TMEM50B: variants seen among roughly 807,000 people sequenced by gnomAD.
TMEM50B encodes transmembrane protein 50B.
A neutral mutation model predicts 23.4 loss-of-function variants in TMEM50B; 14 were observed. The ratio of observed to expected loss-of-function variants is 0.60; its 90% CI spans 0.39 to 0.93. The LOEUF (loss-of-function observed/expected upper bound fraction) is 0.93. Ranked by LOEUF, TMEM50B falls within the 40% of genes least tolerant of loss-of-function variation. TMEM50B has a pLI of 0.00. For synonymous variants in TMEM50B, 64 were observed against 62.3 expected (o/e 1.03, Z -0.13); for missense variants, 159 against 193.0 (o/e 0.82, Z 1.04).
At chr21:33,444,429 A>G (rs1471368367), downstream of TMEM50B, among the ~76,000 whole-genome samples, 1 of 151,964 alleles carries the variant, frequency 6.6e-6, no homozygotes, top group Non-Finnish European at 1.5e-5. Context: ...TCTGTAGTCC[A>G]AGCTACTCAG....
chr21:33,464,044 T>C (rs2084241415), intron 4 of TMEM50B, among the ~76,000 whole-genome samples: 1 of 152,194 alleles, frequency 6.6e-6, no homozygotes, highest in South Asian at 2.1e-4. Flanking sequence ...CAAATGGTTC[T>C]AGATGGGAAA....
At chr21:33,465,463 C>CA in intron 3 of TMEM50B, 54 bp from the exon 4 acceptor site, 1 of 1,354,954 alleles carries the variant, frequency 7.4e-7, no homozygotes, top group South Asian at 1.2e-5. Context: ...TTAAAATACT[C>CA]AAATATTTAT....
chr21:33,459,174 C>A (rs932279116), intron 5 of TMEM50B, among the ~76,000 whole-genome samples: 2 of 152,190 alleles, frequency 1.3e-5, no homozygotes, highest in Non-Finnish European at 2.9e-5. Flanking sequence ...TCTTCCGACG[C>A]TTCCAGAGAC....
rs998806159 is a variant in TMEM50B at position 33,461,601 on chromosome 21, C to A, written c.281-1096G>T. Among the ~76,000 whole-genome samples the A allele has an allele frequency of 1.1e-4, 16 of 151,996 alleles. No homozygotes were observed. In the South Asian group the frequency reaches 1.9e-3, roughly 18 times the overall value. ...GGCTAATTGCCTGAGCTCAGGAGTT[C>A]GAGACCAGCCTGGGCAACATGGTAA... On this transcript the variant is annotated intron_variant, in intron 4 of 6. Transcript: ENST00000542230.
At chr21:33,478,329 T>C (rs2084393014) in intron 1 of TMEM50B, among the ~76,000 whole-genome samples, 1 of 151,542 alleles carries the variant, frequency 6.6e-6, no homozygotes, top group Non-Finnish European at 1.5e-5. Flanking sequence ...TAGCCAGGCA[T>C]GGTGGCAGGC....
chr21:33,454,639 C>G (rs919339042), intron 6 of TMEM50B, among the ~76,000 whole-genome samples: 3 of 151,992 alleles, frequency 2.0e-5, no homozygotes, highest in African/African-American at 7.3e-5. Context: ...CTTTTTTCTT[C>G]ATAAAGGTAC....
At chr21:33,447,486 G>A (rs2084073273), downstream of TMEM50B, among the ~76,000 whole-genome samples, 1 of 152,092 alleles carries the variant, frequency 6.6e-6, no homozygotes, top group African/African-American at 2.4e-5. Flanking sequence ...AGACTCCTGA[G>A]TTGATGTTGT....
intron 4 of TMEM50B, among the ~76,000 whole-genome samples, chr21:33,462,536 G>C (rs528499347): frequency 6.6e-6 from 1 of 152,252 alleles, no homozygotes; most frequent in African/African-American, 2.4e-5. Flanking sequence ...GCCAGGCACA[G>C]TGGCTTACAC....
chr21:33,466,982 T>C (rs1468084452), intron 3 of TMEM50B, 28 bp downstream of exon 3: 4 of 1,584,638 alleles, frequency 2.5e-6, no homozygotes, highest in Non-Finnish European at 3.5e-6. Flanking sequence ...AAAAATCACC[T>C]TGAATAGAGA....
At chr21:33,439,256 T>TTGGGCAGCAGGATGG (rs2083986859) in exon 8 of TMEM50B, 1 of 152,224 alleles carries the variant, frequency 6.6e-6, no homozygotes, top group Non-Finnish European at 1.5e-5. Context: ...GCTTCTTCTG[T>TTGGGCAGCAGGATGG]TGGGCAGCAG....
intron 8 of TMEM50B, among the ~76,000 whole-genome samples, chr21:33,438,564 G>A (rs1402788633): frequency 7.2e-5 from 11 of 152,148 alleles, no homozygotes; most frequent in East Asian, 1.9e-4. Context: ...TTGGGAGGCC[G>A]AGGCAGGCAG....
At position 33,450,059 on chromosome 21, in the gene TMEM50B, T is replaced by C. The variant is rs1425658306; in HGVS notation, c.*759A>G. The C allele has an allele frequency of 1.3e-5, 2 of 152,170 alleles. No homozygotes were observed. The highest frequency in any genetic ancestry group is 4.8e-5 in the African/African-American group (2 of 41,442). The allele number at this position is 152,170 out of a possible 1,614,324, so 9.4% of individuals were successfully genotyped here. A position where few individuals can be genotyped will look rare whatever the true frequency, so the allele number is the denominator to read the frequency against. On this transcript the variant is annotated 3_prime_UTR_variant, in exon 7 of 7. Coordinates refer to ENST00000542230, the MANE Select transcript of TMEM50B (RefSeq NM_006134.7). ...CACTTCTTCAATACATAAGAACAAA[T>C]ATTTTTTCTTTACCAAAAAAACCTC...
intron 2 of TMEM50B, among the ~76,000 whole-genome samples, chr21:33,467,556 G>A (rs1317114293): frequency 6.6e-6 from 1 of 152,004 alleles, no homozygotes; most frequent in Non-Finnish European, 1.5e-5. Context: ...CCCAGGAGGT[G>A]GAGGCTGCAA....
Position 33,455,719 on chromosome 21 carries a change from C to T in TMEM50B, c.431+8G>A. ...TTACAGGCGTGGTTAAAAAATAAGG[C>T]AACTTACCTAAAAAATATAAGTGCA... On this transcript the variant is annotated splice_region_variant and intron_variant, in intron 6 of 6. Transcript: ENST00000542230. The T allele has an allele frequency of 1.9e-6, 3 of 1,611,722 alleles. No individual in the cohort carries two copies. Among genetic ancestry groups the T allele is most frequent in the Non-Finnish European group, 2.5e-6 (3 of 1,178,028 alleles).
chr21:33,447,357 G>A (rs879525987), downstream of TMEM50B, among the ~76,000 whole-genome samples: 2 of 108,036 alleles, frequency 1.9e-5, no homozygotes, highest in Non-Finnish European at 3.7e-5. Context: ...CTGAGGGGAG[G>A]ACTGCTTGAG....
chr21:33,456,636 A>G (rs1373648486), intron 5 of TMEM50B, among the ~76,000 whole-genome samples: 8 of 152,212 alleles, frequency 5.3e-5, no homozygotes, highest in African/African-American at 1.9e-4. Flanking sequence ...CATGGTTAAG[A>G]GCTCCAAGTT....
chr21:33,443,733 G>A (rs1366365953), intron 7 of TMEM50B, among the ~76,000 whole-genome samples: 2 of 152,114 alleles, frequency 1.3e-5, no homozygotes, highest in Admixed American at 6.6e-5. Context: ...GCATCGTATC[G>A]CAGTGATGTT....
downstream of TMEM50B, chr21:33,448,878 G>C (rs561040453): frequency 1.3e-4 from 20 of 149,758 alleles, no homozygotes; most frequent in African/African-American, 4.7e-4. Flanking sequence ...CTGCACTCCA[G>C]CCTAGGCAAC....
chr21:33,478,065 G>A (rs1329162804), intron 1 of TMEM50B, among the ~76,000 whole-genome samples: 1 of 151,654 alleles, frequency 6.6e-6, no homozygotes, highest in Non-Finnish European at 1.5e-5. Flanking sequence ...AACCCAGGAC[G>A]TGGAGCTTGC....
Sources: gnomAD v4.1 joint callset for allele counts (sites outside exome capture counted in the v4.1 genomes callset) on GRCh38, gnomAD v4.1.1 for gene constraint, MANE v1.5 for transcripts, NCBI Gene and HGNC (gene_info 2026-07-23, HGNC 2026-07-21) for gene names.